CMIP: variants seen among roughly 807,000 people sequenced by gnomAD.
The protein encoded by CMIP is C-Maf-inducing protein.
A neutral mutation model predicts 97.3 loss-of-function variants in CMIP; 13 were observed. The ratio of observed to expected loss-of-function variants is 0.13; its 90% CI spans 0.09 to 0.21. CMIP has a LOEUF of 0.21. Among genes scored for constraint, CMIP ranks in the 10% least tolerant of loss-of-function variants. The pLI is 1.00. For missense variants in CMIP, 847 were observed against 1,024.9 expected (o/e 0.83, Z 2.37); for synonymous variants, 538 against 436.3 (o/e 1.23, Z -2.91).
At position 81,642,696 on chromosome 16, in the gene CMIP, G is replaced by T. The variant is rs144349994; in HGVS notation, c.478-9507G>T. On this transcript the variant is annotated intron_variant, in intron 3 of 20. Coordinates refer to ENST00000537098, the MANE Select transcript of CMIP (RefSeq NM_198390.3). The stretch of plus-strand genomic sequence containing the variant: ...GGCTCTCCTGAGGTCAGGAGTTCGA[G>T]ACCAGCCTGGTCAACATGGCGAAAC... Among the ~76,000 whole-genome samples the T allele has an allele frequency of 4.0e-4, 61 of 152,232 alleles. No homozygotes were observed. In the East Asian group the frequency reaches 0.012, roughly 29 times the overall value.
At chr16:81,476,369 A>G in intron 1 of CMIP, 2 of 1,263,516 alleles carry the variant, frequency 1.6e-6, no homozygotes, top group Non-Finnish European at 2.3e-6. Flanking sequence ...TGAAAGCAGG[A>G]ACCCTTATAA....
At chr16:81,455,608 C>G (rs1279533775) in intron 1 of CMIP, among the ~76,000 whole-genome samples, 1 of 152,180 alleles carries the variant, frequency 6.6e-6, no homozygotes, top group African/African-American at 2.4e-5. Context: ...TACATGGTGT[C>G]TCCAACACAT....
chr16:81,509,961 G>C (rs1008065556), intron 1 of CMIP, among the ~76,000 whole-genome samples: 1 of 152,204 alleles, frequency 6.6e-6, no homozygotes, highest in African/African-American at 2.4e-5. Flanking sequence ...GAGAAGTCCT[G>C]CCCCAAAGGA....
At chr16:81,597,964 A>T (rs891962272) in intron 1 of CMIP, among the ~76,000 whole-genome samples, 48 of 151,896 alleles carry the variant, frequency 3.2e-4, no homozygotes, top group African/African-American at 1.0e-3. Context: ...TGCTTGTTGA[A>T]TGACTTCATG....
intron 10 of CMIP, among the ~76,000 whole-genome samples, chr16:81,684,873 C>G (rs1254495443): frequency 6.6e-6 from 1 of 152,200 alleles, no homozygotes; most frequent in Non-Finnish European, 1.5e-5. Context: ...TGGTGCCTGT[C>G]CTCCCACCCC....
At chr16:81,538,937 C>T (rs2090397138) in intron 1 of CMIP, among the ~76,000 whole-genome samples, 1 of 152,012 alleles carries the variant, frequency 6.6e-6, no homozygotes, top group South Asian at 2.1e-4. Flanking sequence ...TTTGTGGAAA[C>T]CTGATCTACT....
At chr16:81,467,883 CTTTTTTTTTTT>C (rs754844403) in intron 1 of CMIP, among the ~76,000 whole-genome samples, 2 of 113,464 alleles carry the variant, frequency 1.8e-5, no homozygotes, top group East Asian at 5.2e-4. Context: ...GCCTGGCCTT[CTTTTTTTTTTT>C]TTTTTTTTTT....
intron 3 of CMIP, among the ~76,000 whole-genome samples, chr16:81,651,923 A>C (rs994257228): frequency 2.6e-5 from 4 of 152,148 alleles, no homozygotes; most frequent in African/African-American, 9.7e-5. Flanking sequence ...AACAGGAAAA[A>C]AGAAAAAGGT....
intron 1 of CMIP, among the ~76,000 whole-genome samples, chr16:81,481,608 C>G (rs2089224482): frequency 6.6e-6 from 1 of 152,174 alleles, no homozygotes; most frequent in Non-Finnish European, 1.5e-5. Context: ...GATGGGTACA[C>G]TAGTTTCCTG....
At chr16:81,568,121 A>C (rs534664227) in intron 1 of CMIP, among the ~76,000 whole-genome samples, 1 of 148,760 alleles carries the variant, frequency 6.7e-6, no homozygotes, top group Non-Finnish European at 1.5e-5. Flanking sequence ...ACCAAGGTCC[A>C]GAGGGACCAG....
chr16:81,643,908 A>G (rs1006427501), intron 3 of CMIP, among the ~76,000 whole-genome samples: 2 of 152,230 alleles, frequency 1.3e-5, no homozygotes, highest in African/African-American at 4.8e-5. Context: ...GGTGCCTCAG[A>G]CAGCCTAGTT....
intron 1 of CMIP, among the ~76,000 whole-genome samples, chr16:81,455,373 G>A (rs185720935): frequency 1.0e-3 from 152 of 152,346 alleles, no homozygotes; most frequent in Non-Finnish European, 1.6e-3. Flanking sequence ...GGACACTGAG[G>A]CACTGCCCCT....
At chr16:81,636,411 C>T (rs1260935920) in intron 3 of CMIP, among the ~76,000 whole-genome samples, 1 of 151,756 alleles carries the variant, frequency 6.6e-6, no homozygotes, top group African/African-American at 2.4e-5. Flanking sequence ...GGTGAAGCCC[C>T]ATCTCTACTA....
At chr16:81,629,035 C>T (rs2092114783) in intron 3 of CMIP, among the ~76,000 whole-genome samples, 2 of 141,714 alleles carry the variant, frequency 1.4e-5, no homozygotes, top group Non-Finnish European at 3.0e-5. Flanking sequence ...ACTCAGGAGG[C>T]TGAAGCATGA....
chr16:81,490,987 G>C (rs2089396360), intron 1 of CMIP, among the ~76,000 whole-genome samples: 1 of 152,116 alleles, frequency 6.6e-6, no homozygotes, highest in African/African-American at 2.4e-5. Context: ...AAGGGGTCCA[G>C]CCTGCACACA....
chr16:81,550,242 C>G (rs920901739), intron 1 of CMIP, among the ~76,000 whole-genome samples: 5 of 152,218 alleles, frequency 3.3e-5, no homozygotes, highest in African/African-American at 1.2e-4. Context: ...TGAGGCTGGT[C>G]ATGCAAGCTC....
At chr16:81,557,027 G>T (rs2090777812) in intron 1 of CMIP, among the ~76,000 whole-genome samples, 1 of 152,226 alleles carries the variant, frequency 6.6e-6, no homozygotes, top group African/African-American at 2.4e-5. Flanking sequence ...AAGTGTCCGG[G>T]TTAGTTCAGC....
intron 1 of CMIP, chr16:81,519,380 G>A (rs2089977187): frequency 6.6e-6 from 1 of 152,244 alleles, no homozygotes; most frequent in South Asian, 2.1e-4. Flanking sequence ...GCTTCAATTT[G>A]AGAGCAGAGC....
At position 81,608,994 on chromosome 16, in the gene CMIP, G is replaced by A. The variant is rs956913575; in HGVS notation, c.426+1302G>A. Among the ~76,000 whole-genome samples the A allele has an allele frequency of 2.0e-5, 3 of 152,152 alleles. No individual in the cohort carries two copies. In the East Asian group the frequency reaches 5.8e-4, roughly 29 times the overall value. On this transcript the variant is annotated intron_variant, in intron 2 of 20. Coordinates refer to ENST00000537098, the MANE Select transcript of CMIP (RefSeq NM_198390.3). The stretch of plus-strand genomic sequence containing the variant: ...AGAGTCACCCAGTCTGGGCTCCAAG[G>A]AATGCTGAGCTCAGTAGCGGAGCGT...
Sources: allele counts gnomAD v4.1 joint callset (sites outside exome capture counted in the v4.1 genomes callset), GRCh38; gene constraint gnomAD v4.1.1; transcripts MANE v1.5; gene names NCBI Gene and HGNC (gene_info 2026-07-23, HGNC 2026-07-21).